Variants in WDR36 observed in about 807,000 individuals in gnomAD.
WDR36 encodes WD repeat domain 36, also known as WD repeat-containing protein 36.
Under a neutral mutation model 112.7 loss-of-function variants are expected in WDR36, and 63 were observed. The ratio of observed to expected loss-of-function variants is 0.56; its 90% CI spans 0.46 to 0.69. WDR36 has a LOEUF of 0.69. Among genes scored for constraint, WDR36 ranks in the 30% least tolerant of loss-of-function variants. The pLI is 0.00. For synonymous variants in WDR36, 410 were observed against 362.2 expected, an observed-to-expected ratio of 1.13 and a Z score of -1.50; for missense variants, 1,226 against 1,070.3, an observed-to-expected ratio of 1.15 and a Z score of -2.03.
chr5:111,100,823 A>G lies in WDR36; in HGVS notation c.542+102A>G, dbSNP rs1753107553. On this transcript the variant is annotated intron_variant, in intron 5 of 22. Transcript: ENST00000513710. The stretch of plus-strand genomic sequence containing the variant: ...CATTTCTCCCTGCCCTTGTATATTT[A>G]TTTGGAGGGTTGTCTATAAATAACA... 6 of 1,225,410 alleles carry G rather than the reference A, an allele frequency of 4.9e-6. No homozygotes were observed. In the Admixed American group the frequency reaches 6.3e-5, roughly 13 times the overall value. The allele number at this position is 1,225,410 out of a possible 1,614,324, so 75.9% of individuals were successfully genotyped here.
At chr5:111,116,511 C>T (rs753814622) in intron 16 of WDR36, among the ~76,000 whole-genome samples, 3 of 152,102 alleles carry the variant, frequency 2.0e-5, no homozygotes, top group Admixed American at 1.3e-4. Context: ...TCAGAAACAA[C>T]CTTCTGAATT....
In WDR36 at chr5:111,113,849, CCA is replaced by C. The variant is rs1460935792; in HGVS notation, c.1796+697_1796+698del. Among the ~76,000 whole-genome samples, 3 of 152,168 alleles carry C rather than the reference CCA, an allele frequency of 2.0e-5. No homozygotes were observed. The East Asian group carries it at 5.8e-4, about 29-fold the overall frequency. On this transcript the variant is annotated intron_variant, in intron 16 of 22. Coordinates refer to ENST00000513710, the MANE Select transcript of WDR36 (RefSeq NM_139281.3). Reference sequence around the variant, plus strand: ...CTGTCTTTCTCTTCTTATAAAGCCACCAGTTTCCCTTTCATGATAATCCCTTA... The same window carrying C: ...CTGTCTTTCTCTTCTTATAAAGCCACGTTTCCCTTTCATGATAATCCCTTA...
intron 3 of WDR36, 95 bp downstream of exon 3, chr5:111,097,274 C>A: frequency 1.1e-6 from 1 of 876,222 alleles, no homozygotes; most frequent in Non-Finnish European, 1.9e-6. Context: ...CCAGCACACT[C>A]TGGAACTATA....
chr5:111,123,231 T>C lies in WDR36; in HGVS notation c.2149-574T>C, dbSNP rs531936270. 4.6e-5 allele frequency among the ~76,000 whole-genome samples: 7 copies of C among 152,328 alleles called. No individual in the cohort carries two copies. The East Asian group carries it at 1.2e-3, about 25-fold the overall frequency. On this transcript the variant is annotated intron_variant, in intron 19 of 22. Transcript: ENST00000513710. ...ATTTTACTAGCATTTGAAATACTTA[T>C]AAACCAGCAATCATGTTTTCTTGAA...
intron 22 of WDR36, 75 bp from the exon 23 acceptor site, chr5:111,126,659 G>A (rs1753683646): frequency 4.0e-6 from 6 of 1,503,698 alleles, no homozygotes; most frequent in African/African-American, 1.4e-5. Context: ...GTGGTTCCTT[G>A]GTAGAAAAAT....
intron 3 of WDR36, among the ~76,000 whole-genome samples, chr5:111,097,855 T>A (rs1184733739): frequency 6.6e-6 from 1 of 152,216 alleles, no homozygotes; most frequent in Non-Finnish European, 1.5e-5. Flanking sequence ...GTTCCCACAG[T>A]CTTTCATCAT....
rs35527062 is a variant in WDR36, at chr5:111,113,052, A to ATATAT, written c.1717-21_1717-20insATATT. ...ATATAAATAATATATATATATATAT[A>ATATAT]TTTTTTTTTTTTAATTTAAAGGCTT... On this transcript the variant is annotated intron_variant, in intron 15 of 22. Coordinates refer to ENST00000513710, the MANE Select transcript of WDR36 (RefSeq NM_139281.3). The ATATAT allele has an allele frequency of 3.9e-3, 1,846 of 473,428 alleles. 38 individuals carry two copies. Among genetic ancestry groups the ATATAT allele is most frequent in the African/African-American group, 0.039 (1,511 of 38,894 alleles). 29.3% of individuals were successfully genotyped at this position (473,428 alleles called of 1,614,324 possible).
rs1752882805 is a variant in WDR36, at chr5:111,092,492, G to C, written c.36G>C (p.Ala12=). ...ERASERRTAS[A]LFAGFRALGL... The stretch of plus-strand genomic sequence containing the variant: ...CCTCAGAAAGGCGCACGGCCAGCGC[G>C]CTTTTTGCGGGGTTCCGGGCCTTGG... Residue 12 remains alanine, a synonymous_variant, in exon 1 of 23, where the codon GCG becomes GCC. Coordinates refer to ENST00000513710, the MANE Select transcript of WDR36 (RefSeq NM_139281.3). The C allele has an allele frequency of 1.2e-6, 2 of 1,614,256 alleles. No homozygotes were observed. The highest frequency in any genetic ancestry group is 1.7e-6 in the Non-Finnish European group (2 of 1,180,048).
Position 111,102,396 on chromosome 5 carries a change from G to C in WDR36, c.594G>C (p.Gln198His). The change falls in exon 6 of 23, where the codon CAG becomes CAC. Residue 198 changes from glutamine to histidine, a missense_variant. By Grantham distance (24) the Gln-to-His change is conservative. Coordinates refer to ENST00000513710, the MANE Select transcript of WDR36 (RefSeq NM_139281.3). ...PGWKVGVTALQQAPAVDVVAI... is the reference protein window; with the variant it reads ...PGWKVGVTALHQAPAVDVVAI... ...GGAAAGTTGGAGTGACAGCTCTTCAGCAGGTTAGTATTTTTCTGTTAAGTC... is the reference window on the plus strand; with the variant it reads ...GGAAAGTTGGAGTGACAGCTCTTCACCAGGTTAGTATTTTTCTGTTAAGTC... 6.2e-7 allele frequency: 1 copy of C among 1,610,272 alleles called. No individual in the cohort carries two copies. The highest frequency in any genetic ancestry group is 8.5e-7 in the Non-Finnish European group (1 of 1,177,560).
chr5:111,116,633 A>G (rs1301650470), intron 16 of WDR36, among the ~76,000 whole-genome samples: 1 of 152,132 alleles, frequency 6.6e-6, no homozygotes, highest in Non-Finnish European at 1.5e-5. Context: ...TAAGATTACC[A>G]TGAAACTGTA....
In WDR36 at chr5:111,103,903, A is replaced by G. The variant is rs959600112; in HGVS notation, c.715A>G (p.Ile239Val). The G allele has an allele frequency of 1.6e-5, 25 of 1,611,048 alleles. No individual in the cohort carries two copies. The highest frequency in any genetic ancestry group is 1.2e-4 in the Admixed American group (7 of 59,716). ...FRQDWGPITS[I>V]SFRTDGHPVM... Reference sequence around the variant, plus strand: ...TCAAGACTGGGGACCCATTACTTCAATTTCATTTCGCACAGGTAACTTTTA... The same window carrying G: ...TCAAGACTGGGGACCCATTACTTCAGTTTCATTTCGCACAGGTAACTTTTA... Residue 239 changes from isoleucine (I) to valine (V), a missense_variant, in exon 7 of 23, where the codon ATT (isoleucine) becomes GTT (valine). Transcript: ENST00000513710.
rs1301371040 is a variant in WDR36, at chr5:111,119,139, T to G, written c.1904+19T>G. 3 of 1,577,874 alleles carry G rather than the reference T, an allele frequency of 1.9e-6. 1 individual carries two copies. Among genetic ancestry groups the G allele is most frequent in the Non-Finnish European group, 2.6e-6 (3 of 1,147,412 alleles). ...ATCTATGGTAAGTTCTTTCATACAG[T>G]TCTGTTTTGGGATGAAGAAGATTGT... On this transcript the variant is annotated intron_variant, in intron 17 of 22. Transcript: ENST00000513710.
At position 111,103,917 on chromosome 5, in the gene WDR36, A is replaced by G; in HGVS notation, c.729A>G (p.Thr243=). 1 of 1,610,878 alleles carries G rather than the reference A, an allele frequency of 6.2e-7. No homozygotes were observed. Among genetic ancestry groups the G allele is most frequent in the African/African-American group, 1.3e-5 (1 of 74,836 alleles). The change falls in exon 7 of 23, where the codon ACA becomes ACG. Residue 243 remains threonine, a splice_region_variant and synonymous_variant. Transcript: ENST00000513710. Reference sequence around the variant, plus strand: ...CCATTACTTCAATTTCATTTCGCACAGGTAACTTTTAACATACTTATTGAT... The same window carrying G: ...CCATTACTTCAATTTCATTTCGCACGGGTAACTTTTAACATACTTATTGAT... The part of the protein sequence containing the change: ...WGPITSISFR[T]DGHPVMAAGS...
chr5:111,101,020 T>G (rs1413147965), intron 5 of WDR36, among the ~76,000 whole-genome samples: 1 of 152,008 alleles, frequency 6.6e-6, no homozygotes, highest in Non-Finnish European at 1.5e-5. Context: ...TAGAGATTAT[T>G]TAAAGTATAT....
intron 13 of WDR36, 116 bp from the exon 14 acceptor site, chr5:111,110,672 T>G (rs1753314737): frequency 3.5e-6 from 4 of 1,150,292 alleles, no homozygotes; most frequent in Non-Finnish European, 5.1e-6. Flanking sequence ...TTCAAGATTT[T>G]AAAGGATATT....
rs1350321527 is a variant in WDR36 at position 111,110,934 on chromosome 5, A to G, written c.1588A>G (p.Met530Val). 6.8e-6 allele frequency: 11 copies of G among 1,610,602 alleles called. No homozygotes were observed. The highest frequency in any genetic ancestry group is 1.3e-5 in the African/African-American group (1 of 74,778). ...GAGCCTCAGTTCATCTCCAAATATC[A>G]TGTTGCTACATAGGGACAGGTAAAC... ...SVSLSSSPNI[M>V]LLHRDSGILG... Residue 530 changes from methionine to valine, a missense_variant, in exon 14 of 23, where the codon ATG (methionine) becomes GTG (valine). Met to Val is a conservative substitution (Grantham distance 21). Transcript: ENST00000513710.
At chr5:111,098,269 G>T (rs763697518) in intron 3 of WDR36, among the ~76,000 whole-genome samples, 70 of 152,256 alleles carry the variant, frequency 4.6e-4, no homozygotes, top group Non-Finnish European at 1.3e-4. Flanking sequence ...AAGGATCTCT[G>T]TCAAAGCAGA....
chr5:111,099,813 C>G (rs1405710339), intron 4 of WDR36, among the ~76,000 whole-genome samples: 6 of 151,814 alleles, frequency 4.0e-5, no homozygotes, highest in Admixed American at 3.9e-4. Context: ...GTACCCATAC[C>G]CTGGGATTGT....
chr5:111,095,641 T>C (rs1752959007), intron 2 of WDR36, among the ~76,000 whole-genome samples: 1 of 152,196 alleles, frequency 6.6e-6, no homozygotes, highest in African/African-American at 2.4e-5. Flanking sequence ...TTGGAACATT[T>C]CCGATTTCAG....
Sources: allele counts gnomAD v4.1 joint callset (sites outside exome capture counted in the v4.1 genomes callset), GRCh38; gene constraint gnomAD v4.1.1; transcripts MANE v1.5; gene names NCBI Gene and HGNC (gene_info 2026-07-23, HGNC 2026-07-21).